Variants in RABGEF1 observed in about 807,000 individuals in gnomAD.
RABGEF1 encodes the protein rab5 GDP/GTP exchange factor.
RABGEF1 carries 26 observed loss-of-function variants against 57.3 expected under a neutral mutation model. The observed-to-expected ratio is 0.45, with a 90% CI of 0.33 to 0.63. The LOEUF (loss-of-function observed/expected upper bound fraction) is 0.63. RABGEF1 is among the 20% of genes least tolerant of loss of function. RABGEF1 has a pLI of 0.02. For synonymous variants in RABGEF1, 185 were observed against 210.7 expected (o/e 0.88, Z 1.06); for missense variants, 464 against 607.6 (o/e 0.76, Z 2.48).
intron 2 of RABGEF1, among the ~76,000 whole-genome samples, chr7:66,715,027 TTTC>T (rs1795213452): frequency 6.6e-6 from 1 of 152,178 alleles, no homozygotes; most frequent in African/African-American, 2.4e-5. Context: ...CTTCCTCCTC[TTTC>T]TTCTTCACTA....
At chr7:66,682,604 C>T (rs1789940295) in intron 1 of RABGEF1, among the ~76,000 whole-genome samples, 1 of 152,180 alleles carries the variant, frequency 6.6e-6, no homozygotes, top group East Asian at 1.9e-4. Context: ...GTCCAGGATG[C>T]TGGCTCCGAA....
chr7:66,780,887 T>C (rs1280185505), intron 3 of RABGEF1, among the ~76,000 whole-genome samples: 2 of 152,200 alleles, frequency 1.3e-5, no homozygotes, highest in African/African-American at 4.8e-5. Flanking sequence ...TTTCAGAGTA[T>C]GCTTTTCCTT....
chr7:66,704,357 T>G (rs1370421208), intron 1 of RABGEF1, among the ~76,000 whole-genome samples: 2 of 152,206 alleles, frequency 1.3e-5, no homozygotes, highest in Non-Finnish European at 2.9e-5. Flanking sequence ...CCAGCTTAAT[T>G]ATTGCTTTAA....
intron 2 of RABGEF1, among the ~76,000 whole-genome samples, chr7:66,719,447 C>T (rs1584915857): frequency 6.6e-6 from 1 of 152,284 alleles, no homozygotes; most frequent in Middle Eastern, 3.4e-3. Flanking sequence ...TCAAGCACCT[C>T]GGCCCCCCGC....
intron 4 of RABGEF1, among the ~76,000 whole-genome samples, chr7:66,785,248 C>T (rs28379824): frequency 0.1 from 15,410 of 152,194 alleles, 859 homozygotes; most frequent in Non-Finnish European, 0.11. Context: ...CAGAGACCTG[C>T]ATATGGCCTC....
chr7:66,804,510 G>A (rs974323691), intron 7 of RABGEF1, among the ~76,000 whole-genome samples: 3 of 152,034 alleles, frequency 2.0e-5, no homozygotes, highest in Non-Finnish European at 2.9e-5. Flanking sequence ...CAAGGTGGGC[G>A]GATCACCTGA....
intron 1 of RABGEF1, among the ~76,000 whole-genome samples, chr7:66,744,973 A>T (rs1213543329): frequency 2.0e-5 from 3 of 152,058 alleles, no homozygotes; most frequent in Non-Finnish European, 4.4e-5. Flanking sequence ...CGGGTGGATC[A>T]TGAGGTCACG....
intron 2 of RABGEF1, among the ~76,000 whole-genome samples, chr7:66,772,591 A>T (rs1491004140): frequency 6.6e-6 from 1 of 152,098 alleles, no homozygotes; most frequent in Non-Finnish European, 1.5e-5. Context: ...ATTTGGTATT[A>T]TCCGGAAATA....
chr7:66,800,655 G>A (rs1397955615), intron 7 of RABGEF1, among the ~76,000 whole-genome samples: 9 of 152,162 alleles, frequency 5.9e-5, no homozygotes, highest in Admixed American at 1.3e-4. Context: ...ATATGGACCT[G>A]GGACTTGTGT....
At chr7:66,707,475 C>T (rs1794264498) in intron 1 of RABGEF1, among the ~76,000 whole-genome samples, 1 of 151,994 alleles carries the variant, frequency 6.6e-6, no homozygotes, top group Admixed American at 6.6e-5. Flanking sequence ...GGCAGATCAC[C>T]TCAGGAGTTC....
chr7:66,655,156 G>A, the RABGEF1 span, among the ~76,000 whole-genome samples: 5 of 152,244 alleles, frequency 3.3e-5, no homozygotes, highest in African/African-American at 1.2e-4. Context: ...GCGTCCCGGA[G>A]TTGGGAGGGG....
intron 4 of RABGEF1, among the ~76,000 whole-genome samples, chr7:66,789,171 C>A (rs1183387752): frequency 1.3e-5 from 2 of 152,078 alleles, no homozygotes; most frequent in Non-Finnish European, 2.9e-5. Flanking sequence ...GAGTAGTTTG[C>A]CCTGCCACGT....
intron 2 of RABGEF1, among the ~76,000 whole-genome samples, chr7:66,721,697 G>C (rs112908678): frequency 0.014 from 2,194 of 152,300 alleles, 26 homozygotes; most frequent in Middle Eastern, 0.027. Flanking sequence ...GCTGGGTCCA[G>C]TGGCTCACGA....
intron 7 of RABGEF1, among the ~76,000 whole-genome samples, chr7:66,802,234 A>C (rs533086202): frequency 6.6e-5 from 10 of 152,286 alleles, no homozygotes; most frequent in African/African-American, 2.4e-4. Flanking sequence ...GAGTACTACT[A>C]ACACCTAGTG....
At chr7:66,742,994 G>C (rs563072070) in intron 1 of RABGEF1, among the ~76,000 whole-genome samples, 1 of 152,242 alleles carries the variant, frequency 6.6e-6, no homozygotes, top group South Asian at 2.1e-4. Context: ...AAGTTTTTTA[G>C]CTGGGTCCTT....
At chr7:66,719,056 A>G (rs79741290) in intron 2 of RABGEF1, among the ~76,000 whole-genome samples, 1 of 152,366 alleles carries the variant, frequency 6.6e-6, no homozygotes, top group East Asian at 1.9e-4. Flanking sequence ...GACTCTTGAG[A>G]GAAGTGTTCC....
chr7:66,734,589 C>A (rs1381816060), intron 2 of RABGEF1, among the ~76,000 whole-genome samples: 1 of 150,278 alleles, frequency 6.7e-6, no homozygotes, highest in Non-Finnish European at 1.5e-5. Context: ...AGCCACCATG[C>A]CTGGCTAATT....
At chr7:66,705,071 A>G (rs1793809146) in intron 1 of RABGEF1, among the ~76,000 whole-genome samples, 1 of 151,942 alleles carries the variant, frequency 6.6e-6, no homozygotes, top group Non-Finnish European at 1.5e-5. Context: ...TGTATTTTTC[A>G]CTTCAAATTC....
At chr7:66,706,513 G>T (rs1264418442) in intron 1 of RABGEF1, among the ~76,000 whole-genome samples, 1 of 149,542 alleles carries the variant, frequency 6.7e-6, no homozygotes, top group East Asian at 2.0e-4. Context: ...GGGTTCAAGC[G>T]ATTCTCCTGC....
Sources: allele counts gnomAD v4.1 joint callset (sites outside exome capture counted in the v4.1 genomes callset), GRCh38; gene constraint gnomAD v4.1.1; transcripts MANE v1.5; gene names NCBI Gene and HGNC (gene_info 2026-07-23, HGNC 2026-07-21).